Variants in SHANK2 observed in about 807,000 individuals in gnomAD.
SHANK2 encodes the protein SH3 and multiple ankyrin repeat domains protein 2.
SHANK2 carries 43 observed loss-of-function variants against 133.7 expected under a neutral mutation model. That is an observed-to-expected ratio of 0.32 (90% CI 0.25 to 0.41). SHANK2 has a LOEUF of 0.41. Ranked by LOEUF, SHANK2 falls within the 10% of genes least tolerant of loss-of-function variation. The pLI is 1.00. For synonymous variants in SHANK2, 1,017 were observed against 952.8 expected (o/e 1.07, Z -1.24); for missense variants, 1,994 against 2,235.8 (o/e 0.89, Z 2.18).
At chr11:71,092,297 G>T in intron 8 of SHANK2, 125 bp downstream of exon 8, 2 of 964,852 alleles carry the variant, frequency 2.1e-6, no homozygotes, top group Non-Finnish European at 3.2e-6. Context: ...GGAACTCTGG[G>T]CAGGCCAAAC....
At chr11:70,637,075 ACGTGTGTGTG>A (rs538468233) in intron 17 of SHANK2, among the ~76,000 whole-genome samples, 63,173 of 151,352 alleles carry the variant, frequency 0.42, 13,531 homozygotes, top group Middle Eastern at 0.49. Context: ...ATGTGTGTGC[ACGTGTGTGTG>A]CATGTGTATG....
chr11:70,617,954 G>A lies in SHANK2; in HGVS notation c.2061+41874C>T, dbSNP rs183463803. Among the ~76,000 whole-genome samples the A allele has an allele frequency of 2.7e-3, 415 of 152,082 alleles. 1 individual carries two copies. The highest frequency in any genetic ancestry group is 4.4e-3 in the Non-Finnish European group (299 of 68,002). On this transcript the variant is annotated intron_variant, in intron 17 of 25. Transcript: ENST00000601538. ...GGATACATATGTAACAAACCTGCAC[G>A]TTGTGCACATGTACCCTAAAACTTA... is the stretch of plus-strand genomic sequence containing the variant.
At chr11:70,763,697 G>C (rs944558540) in intron 14 of SHANK2, among the ~76,000 whole-genome samples, 11 of 152,156 alleles carry the variant, frequency 7.2e-5, no homozygotes, top group Admixed American at 1.3e-4. Context: ...GATGCATAAT[G>C]GTCTGCAGCT....
chr11:70,558,872 G>T (rs1323340535), intron 17 of SHANK2, among the ~76,000 whole-genome samples: 1 of 152,202 alleles, frequency 6.6e-6, no homozygotes, highest in Non-Finnish European at 1.5e-5. Context: ...CTGCTGCATG[G>T]AGAGAAAGCA....
At chr11:70,511,806 T>C (rs539005227) in intron 17 of SHANK2, among the ~76,000 whole-genome samples, 4 of 152,356 alleles carry the variant, frequency 2.6e-5, no homozygotes, top group Admixed American at 6.5e-5. Flanking sequence ...GTCCAGGGAA[T>C]TTCTGTGAAG....
chr11:71,063,481 C>T lies in SHANK2; in HGVS notation c.1030-6923G>A, dbSNP rs977320329. Among the ~76,000 whole-genome samples, 208 of 152,338 alleles carry T rather than the reference C, an allele frequency of 1.4e-3. 1 individual carries two copies. Among genetic ancestry groups the T allele is most frequent in the African/African-American group, 4.5e-3 (188 of 41,576 alleles). ...GCAGTTCAAAATGCCCATCTACCCG[C>T]TCCTTCTGGTTTAACTCTCAAGGTA... On this transcript the variant is annotated intron_variant, in intron 9 of 25. Coordinates refer to ENST00000601538, the MANE Select transcript of SHANK2 (RefSeq NM_012309.5).
At chr11:70,538,338 C>T (rs781794897) in intron 17 of SHANK2, among the ~76,000 whole-genome samples, 2 of 152,240 alleles carry the variant, frequency 1.3e-5, no homozygotes, top group South Asian at 2.1e-4. Flanking sequence ...CTGAGGCCAC[C>T]GCCTTTGTCC....
At chr11:71,100,390 T>G (rs977970102) in intron 6 of SHANK2, among the ~76,000 whole-genome samples, 1 of 152,218 alleles carries the variant, frequency 6.6e-6, no homozygotes, top group Non-Finnish European at 1.5e-5. Context: ...GGTGAGTGGA[T>G]ACATTATCCA....
chr11:70,637,730 C>T (rs1555004893), intron 17 of SHANK2, among the ~76,000 whole-genome samples: 2 of 152,256 alleles, frequency 1.3e-5, no homozygotes, highest in Admixed American at 6.5e-5. Context: ...GGCCCAGATC[C>T]TGGCAGTCTT....
At chr11:71,114,462 C>A (rs563542302) in intron 4 of SHANK2, among the ~76,000 whole-genome samples, 1 of 152,316 alleles carries the variant, frequency 6.6e-6, no homozygotes, top group South Asian at 2.1e-4. Context: ...CCTTTCTCCA[C>A]CACGCCAAAC....
chr11:70,672,591 C>T (rs1944833876), intron 15 of SHANK2, among the ~76,000 whole-genome samples: 1 of 152,266 alleles, frequency 6.6e-6, no homozygotes, highest in African/African-American at 2.4e-5. Context: ...CCCTGCAGGT[C>T]CCCTGGGTCA....
intron 10 of SHANK2, among the ~76,000 whole-genome samples, chr11:70,910,759 A>G (rs1460874550): frequency 2.6e-5 from 4 of 151,856 alleles, no homozygotes; most frequent in African/African-American, 9.7e-5. Context: ...GTGAGCTGAG[A>G]TCGCACAACT....
chr11:70,576,897 A>C (rs2060122419), intron 17 of SHANK2, among the ~76,000 whole-genome samples: 2 of 152,188 alleles, frequency 1.3e-5, no homozygotes, highest in African/African-American at 4.8e-5. Context: ...GTCAGCAACA[A>C]GGACACAGCA....
At chr11:70,585,107 C>T (rs2060231797) in intron 17 of SHANK2, among the ~76,000 whole-genome samples, 1 of 152,258 alleles carries the variant, frequency 6.6e-6, no homozygotes, top group East Asian at 1.9e-4. Context: ...TGAGCTGGCA[C>T]AGCTCAGGCC....
chr11:71,059,999 A>G (rs1447327217), intron 9 of SHANK2, among the ~76,000 whole-genome samples: 1 of 152,140 alleles, frequency 6.6e-6, no homozygotes, highest in Admixed American at 6.5e-5. Context: ...GTTCTGTCCC[A>G]CTGCCCTACA....
intron 14 of SHANK2, among the ~76,000 whole-genome samples, chr11:70,747,741 A>C (rs1199957650): frequency 6.6e-6 from 1 of 152,174 alleles, no homozygotes; most frequent in Non-Finnish European, 1.5e-5. Context: ...TAGTGTGCAT[A>C]TGTGTGAACA....
intron 1 of SHANK2, among the ~76,000 whole-genome samples, chr11:71,248,195 A>G (rs1283397725): frequency 6.6e-6 from 1 of 152,232 alleles, no homozygotes; most frequent in East Asian, 1.9e-4. Context: ...TGTACCCCAA[A>G]GCCCAGCATC....
intron 11 of SHANK2, among the ~76,000 whole-genome samples, chr11:70,886,877 C>A (rs1949755020): frequency 2.0e-5 from 3 of 152,138 alleles, no homozygotes; most frequent in Admixed American, 2.0e-4. Flanking sequence ...CCCAAACTCA[C>A]ACATCAGCTC....
chr11:70,491,379 G>A (rs1474463660), intron 22 of SHANK2, among the ~76,000 whole-genome samples: 1 of 152,180 alleles, frequency 6.6e-6, no homozygotes, highest in African/African-American at 2.4e-5. Context: ...TGGGTGCCAC[G>A]AAGGACTGGG....
Sources: gnomAD v4.1 joint callset for allele counts (sites outside exome capture counted in the v4.1 genomes callset) on GRCh38, gnomAD v4.1.1 for gene constraint, MANE v1.5 for transcripts, NCBI Gene and HGNC (gene_info 2026-07-23, HGNC 2026-07-21) for gene names.